Variants in LRRC4C observed in about 807,000 individuals in gnomAD.
LRRC4C encodes the protein leucine rich repeat containing 4C, also known as leucine-rich repeat-containing protein 4C.
Under a neutral mutation model 33.6 loss-of-function variants are expected in LRRC4C, and 5 were observed. The ratio of observed to expected loss-of-function variants is 0.15; its 90% CI spans 0.08 to 0.31. The LOEUF (loss-of-function observed/expected upper bound fraction) is 0.31. LRRC4C is among the 10% of genes least tolerant of loss of function. The probability of loss-of-function intolerance (pLI) is 1.00; values close to 1 mark genes in which losing one functional copy is unlikely to be tolerated. For missense variants in LRRC4C, 560 were observed against 796.7 expected (o/e 0.70, Z 3.58); for synonymous variants, 329 against 302.0 (o/e 1.09, Z -0.93).
chr11:40,325,657 G>T lies in LRRC4C; in HGVS notation c.-269-5936C>A, dbSNP rs1300123942. The stretch of plus-strand genomic sequence containing the variant: ...GAAAAAAAAAAAAGAAACCATATTT[G>T]CTAGGATTATATTAAAAAGTCATGT... On this transcript the variant is annotated intron_variant, in intron 3 of 6. Transcript: ENST00000528697. Among the ~76,000 whole-genome samples the T allele has an allele frequency of 2.6e-5, 4 of 151,576 alleles. No homozygotes were observed. The South Asian group carries it at 6.3e-4, about 24-fold the overall frequency.
At chr11:40,976,536 G>A (rs183433484) in intron 1 of LRRC4C, among the ~76,000 whole-genome samples, 1 of 152,284 alleles carries the variant, frequency 6.6e-6, no homozygotes, top group Admixed American at 6.5e-5. Context: ...AGTGAAGAAA[G>A]GCTTTAGCAT....
At chr11:40,813,406 A>C (rs1053145975) in intron 2 of LRRC4C, among the ~76,000 whole-genome samples, 2 of 152,100 alleles carry the variant, frequency 1.3e-5, no homozygotes, top group East Asian at 3.9e-4. Flanking sequence ...AAACCATCAG[A>C]TCTTGTAAGG....
intron 5 of LRRC4C, among the ~76,000 whole-genome samples, chr11:40,228,861 T>G (rs747776981): frequency 6.6e-6 from 1 of 152,206 alleles, no homozygotes; most frequent in South Asian, 2.1e-4. Context: ...TCTGTTTAGG[T>G]TGGCTGTACA....
intron 2 of LRRC4C, among the ~76,000 whole-genome samples, chr11:40,681,515 T>A (rs955988601): frequency 1.3e-5 from 2 of 152,214 alleles, no homozygotes; most frequent in African/African-American, 4.8e-5. Context: ...AATAAAGCTT[T>A]AAAGCTTTAT....
At chr11:41,103,456 T>C (rs943613562) in intron 1 of LRRC4C, among the ~76,000 whole-genome samples, 1 of 151,954 alleles carries the variant, frequency 6.6e-6, no homozygotes, top group African/African-American at 2.4e-5. Flanking sequence ...GTAGTCATAA[T>C]GTCATTCTTC....
chr11:41,365,386 A>G (rs1019943559), intron 1 of LRRC4C, among the ~76,000 whole-genome samples: 2 of 152,056 alleles, frequency 1.3e-5, no homozygotes, highest in Non-Finnish European at 2.9e-5. Context: ...AAATTATTTC[A>G]TTATATATTA....
chr11:40,457,432 A>G (rs959050018), intron 3 of LRRC4C, among the ~76,000 whole-genome samples: 5 of 152,172 alleles, frequency 3.3e-5, no homozygotes, highest in Non-Finnish European at 7.4e-5. Flanking sequence ...TACTAAATTT[A>G]GAGTCTCCTT....
intron 5 of LRRC4C, among the ~76,000 whole-genome samples, chr11:40,169,368 A>C (rs1199561678): frequency 2.0e-5 from 3 of 152,190 alleles, no homozygotes; most frequent in Admixed American, 2.0e-4. Context: ...ATATTATTTT[A>C]AAACTCAGCC....
intron 1 of LRRC4C, among the ~76,000 whole-genome samples, chr11:41,410,992 T>C (rs1301601190): frequency 2.0e-5 from 3 of 151,814 alleles, no homozygotes; most frequent in Non-Finnish European, 4.4e-5. Context: ...GTGAGGATCC[T>C]GTAGGATCCC....
intron 1 of LRRC4C, among the ~76,000 whole-genome samples, chr11:41,216,461 A>C (rs1590960702): frequency 1.6e-5 from 2 of 125,768 alleles, no homozygotes; most frequent in South Asian, 4.8e-4. Flanking sequence ...ATTCTTAAGT[A>C]AAAAAAAAAA....
At position 40,249,991 on chromosome 11, in the gene LRRC4C, C is replaced by T. The variant is rs573533991; in HGVS notation, c.-175-8393G>A. On this transcript the variant is annotated intron_variant, in intron 4 of 6. Transcript: ENST00000528697. Reference sequence around the variant, plus strand: ...GGGCAAGTTAAGCCCTGGAGACTGTCGCATTGCATGTTTGCAACTTCTGCT... The same window carrying T: ...GGGCAAGTTAAGCCCTGGAGACTGTTGCATTGCATGTTTGCAACTTCTGCT... Among the ~76,000 whole-genome samples the T allele has an allele frequency of 3.9e-5, 6 of 152,328 alleles. No individual in the cohort carries two copies. In the East Asian group the frequency reaches 9.7e-4, roughly 25 times the overall value.
chr11:40,937,597 GTGTA>G (rs1957959835), intron 1 of LRRC4C, among the ~76,000 whole-genome samples: 3 of 137,460 alleles, frequency 2.2e-5, no homozygotes, highest in African/African-American at 8.9e-5. Context: ...TCTTGAGTGT[GTGTA>G]TATGTGTGTG....
intron 2 of LRRC4C, among the ~76,000 whole-genome samples, chr11:40,696,143 A>T (rs67845270): frequency 0.21 from 30,690 of 146,662 alleles, 4,830 homozygotes; most frequent in African/African-American, 0.45. Context: ...ATTAGTGCCT[A>T]TGCAACAAGC....
At chr11:40,537,183 C>A (rs1462995331) in intron 3 of LRRC4C, among the ~76,000 whole-genome samples, 2 of 152,126 alleles carry the variant, frequency 1.3e-5, no homozygotes, top group African/African-American at 4.8e-5. Context: ...TTGTGAAGGG[C>A]TGGAATATTT....
intron 2 of LRRC4C, among the ~76,000 whole-genome samples, chr11:40,808,191 T>A (rs1951333716): frequency 6.6e-6 from 1 of 152,020 alleles, no homozygotes; most frequent in Admixed American, 6.6e-5. Context: ...TATAATCTGA[T>A]ATTTTATATT....
intron 2 of LRRC4C, among the ~76,000 whole-genome samples, chr11:40,836,944 G>A (rs1952699485): frequency 6.6e-6 from 1 of 152,030 alleles, no homozygotes. Flanking sequence ...AGGACAATCA[G>A]GGCTTTATGT....
chr11:40,268,525 ACTGTAT>A (rs1333289185), intron 4 of LRRC4C, among the ~76,000 whole-genome samples: 1 of 152,174 alleles, frequency 6.6e-6, no homozygotes, highest in African/African-American at 2.4e-5. Flanking sequence ...TGTCAATGGT[ACTGTAT>A]ATTTAAAAGA....
intron 5 of LRRC4C, among the ~76,000 whole-genome samples, chr11:40,214,833 T>C (rs10742531): frequency 0.84 from 127,343 of 152,096 alleles, 54,632 homozygotes; most frequent in East Asian, 0.96. Context: ...AAGGTTTTCT[T>C]TGCCCTTTTT....
At chr11:40,474,217 C>T (rs547417320) in intron 3 of LRRC4C, among the ~76,000 whole-genome samples, 4 of 152,144 alleles carry the variant, frequency 2.6e-5, no homozygotes, top group Non-Finnish European at 5.9e-5. Flanking sequence ...CAGCATGGTA[C>T]TGGTACCAAA....
Sources: gnomAD v4.1 joint callset for allele counts (sites outside exome capture counted in the v4.1 genomes callset) on GRCh38, gnomAD v4.1.1 for gene constraint, MANE v1.5 for transcripts, NCBI Gene and HGNC (gene_info 2026-07-23, HGNC 2026-07-21) for gene names.